The following MYOF variants were observed in gnomAD, a reference collection of about 807,000 sequenced individuals.
MYOF encodes myoferlin.
A neutral mutation model predicts 284.2 loss-of-function variants in MYOF; 244 were observed. That is an observed-to-expected ratio of 0.86 (90% CI 0.77 to 0.95). The LOEUF (loss-of-function observed/expected upper bound fraction) is 0.95, where lower values mean the gene tolerates loss of function less well. MYOF is among the 40% of genes least tolerant of loss of function. The pLI, the probability that MYOF is intolerant of heterozygous loss-of-function variation, is 0.00. For missense variants in MYOF, 2,496 were observed against 2,560.6 expected (o/e 0.97, Z 0.54); for synonymous variants, 904 against 919.7 (o/e 0.98, Z 0.31).
At chr10:93,452,892 G>T (rs975149740) in intron 2 of MYOF, among the ~76,000 whole-genome samples, 1 of 151,910 alleles carries the variant, frequency 6.6e-6, no homozygotes, top group Non-Finnish European at 1.5e-5. Flanking sequence ...GTCGGTCAAT[G>T]CTATAATATA....
At chr10:93,311,143 GTGAA>G (rs1307760454) in intron 51 of MYOF, among the ~76,000 whole-genome samples, 1 of 152,192 alleles carries the variant, frequency 6.6e-6, no homozygotes, top group African/African-American at 2.4e-5. Context: ...GAATGAGTGA[GTGAA>G]TGAATGTTTT....
intron 1 of MYOF, among the ~76,000 whole-genome samples, chr10:93,457,740 T>TC (rs2056776912): frequency 6.6e-6 from 1 of 151,104 alleles, no homozygotes; most frequent in Admixed American, 6.6e-5. Context: ...CATCTAATTT[T>TC]TTTTTTTTTT....
chr10:93,461,547 C>A (rs1487266570), intron 1 of MYOF, among the ~76,000 whole-genome samples: 2 of 152,134 alleles, frequency 1.3e-5, no homozygotes, highest in Non-Finnish European at 2.9e-5. Context: ...GATGAGAATT[C>A]AAGGGCAAGG....
intron 50 of MYOF, among the ~76,000 whole-genome samples, chr10:93,315,079 A>T (rs1842559438): frequency 6.6e-6 from 1 of 152,226 alleles, no homozygotes; most frequent in Non-Finnish European, 1.5e-5. Context: ...CAAACCCTTT[A>T]TTATCCTAGA....
intron 50 of MYOF, 32 bp from the exon 51 acceptor site, chr10:93,313,242 A>G (rs557905631): frequency 2.5e-6 from 4 of 1,587,858 alleles, no homozygotes; most frequent in African/African-American, 1.3e-5. Flanking sequence ...AGTCCAAATG[A>G]GCTTCAAGTG....
At chr10:93,398,833 T>C (rs903026102) in intron 13 of MYOF, among the ~76,000 whole-genome samples, 2 of 152,216 alleles carry the variant, frequency 1.3e-5, no homozygotes, top group African/African-American at 4.8e-5. Context: ...TACTGTAGAA[T>C]CTCACCCAAC....
At chr10:93,443,590 C>A (rs1444728987) in intron 3 of MYOF, among the ~76,000 whole-genome samples, 1 of 152,056 alleles carries the variant, frequency 6.6e-6, no homozygotes, top group Non-Finnish European at 1.5e-5. Context: ...ACCTCTCCAA[C>A]TCTGGGAGAC....
chr10:93,332,719 T>C (rs1038986758), intron 43 of MYOF, among the ~76,000 whole-genome samples: 87 of 151,980 alleles, frequency 5.7e-4, no homozygotes, highest in African/African-American at 1.5e-3. Flanking sequence ...TGGTGGCAGT[T>C]GCCTGTAGTC....
chr10:93,472,768 G>C (rs182781017), intron 1 of MYOF, among the ~76,000 whole-genome samples: 2 of 152,368 alleles, frequency 1.3e-5, no homozygotes, highest in African/African-American at 4.8e-5. Context: ...CCTTCAAGCT[G>C]TTTGTGCAGC....
At chr10:93,411,408 T>C (rs1472039654) in intron 5 of MYOF, among the ~76,000 whole-genome samples, 1 of 152,222 alleles carries the variant, frequency 6.6e-6, no homozygotes, top group East Asian at 1.9e-4. Context: ...ATCCCATGCA[T>C]GAGGGCTCTG....
intron 23 of MYOF, 107 bp downstream of exon 23, chr10:93,374,656 A>G (rs1357071413): frequency 8.5e-7 from 1 of 1,170,120 alleles, no homozygotes; most frequent in Non-Finnish European, 1.2e-6. Flanking sequence ...GCTGCTCAAT[A>G]TCCAAGATAA....
chr10:93,317,583 G>A (rs1488681967), intron 49 of MYOF, among the ~76,000 whole-genome samples: 2 of 152,158 alleles, frequency 1.3e-5, no homozygotes, highest in Non-Finnish European at 2.9e-5. Flanking sequence ...GTTGCAGTGA[G>A]CTGAGATCAT....
At chr10:93,396,816 A>C (rs1182280447) in intron 15 of MYOF, among the ~76,000 whole-genome samples, 1 of 152,164 alleles carries the variant, frequency 6.6e-6, no homozygotes, top group Non-Finnish European at 1.5e-5. Context: ...GTCTACTAAA[A>C]ATTCTATCAG....
In MYOF at chr10:93,369,110, C is replaced by CTTTTTTTTTTTTTT. The variant is rs66923086; in HGVS notation, c.2589+521_2589+534dup. On this transcript the variant is annotated intron_variant, in intron 25 of 53. Coordinates refer to ENST00000359263, the MANE Select transcript of MYOF (RefSeq NM_013451.4). ...TATTGTTTTAGAAGTATTCAGACAG[C>CTTTTTTTTTTTTTT]TTTTTTTTTTTTTTTTTTTTTTGCC... Among the ~76,000 whole-genome samples, 64 of 78,314 alleles carry CTTTTTTTTTTTTTT rather than the reference C, an allele frequency of 8.2e-4. 9 individuals carry two copies. The highest frequency in any genetic ancestry group is 3.8e-3 in the African/African-American group (59 of 15,450). 51.4% of individuals were successfully genotyped at this position (78,314 alleles called of 152,430 possible). A position where few individuals can be genotyped will look rare whatever the true frequency, so the allele number is the denominator to read the frequency against.
chr10:93,408,799 AGG>A lies in MYOF; in HGVS notation c.715_716del (p.Pro239PhefsTer3), dbSNP rs1449150689. On this transcript the variant is annotated frameshift_variant, in exon 7 of 54. Transcript: ENST00000359263. LOFTEE classifies it high-confidence loss of function. ...HRTRIKRGNN[P>X]FFDELFFYNV... ...TCAACCCCTTTACCTCATCAAAAAA[AGG>A]GTTGTTTCCTCTCTTGATTCTTGTT... The A allele has an allele frequency of 1.9e-6, 3 of 1,614,150 alleles. No homozygotes were observed. The highest frequency in any genetic ancestry group is 3.3e-5 in the Admixed American group (2 of 60,018).
At chr10:93,363,093 T>C (rs1439540557) in intron 27 of MYOF, among the ~76,000 whole-genome samples, 1 of 152,196 alleles carries the variant, frequency 6.6e-6, no homozygotes, top group Non-Finnish European at 1.5e-5. Context: ...AATAAAACAT[T>C]CTGCAACCAT....
At chr10:93,400,891 C>T (rs1236235418) in intron 12 of MYOF, among the ~76,000 whole-genome samples, 1 of 134,878 alleles carries the variant, frequency 7.4e-6, no homozygotes, top group African/African-American at 2.8e-5. Flanking sequence ...TGGAGTCTCA[C>T]TCTGTTGCCC....
intron 51 of MYOF, among the ~76,000 whole-genome samples, chr10:93,311,019 TCC>T (rs530037628): frequency 1.2e-3 from 179 of 152,244 alleles, no homozygotes; most frequent in East Asian, 4.4e-3. Context: ...TATTGTAGGC[TCC>T]CAGTAAGAGA....
At chr10:93,340,116 T>C in intron 39 of MYOF, 37 bp downstream of exon 39, 2 of 1,611,104 alleles carry the variant, frequency 1.2e-6, no homozygotes, top group Non-Finnish European at 1.7e-6. Context: ...AGAAAATACA[T>C]GAATCTTAAA....
Sources: allele counts gnomAD v4.1 joint callset (sites outside exome capture counted in the v4.1 genomes callset), GRCh38; gene constraint gnomAD v4.1.1; transcripts MANE v1.5; gene names NCBI Gene and HGNC (gene_info 2026-07-23, HGNC 2026-07-21).